The following CADM2 variants were observed in gnomAD, a reference collection of about 807,000 sequenced individuals.
CADM2 encodes the protein cell adhesion molecule 2.
A neutral mutation model predicts 49.8 loss-of-function variants in CADM2; 12 were observed. The observed-to-expected ratio is 0.24, with a 90% CI of 0.15 to 0.39. The LOEUF is 0.39. Ranked by LOEUF, CADM2 falls within the 10% of genes least tolerant of loss-of-function variation. The probability of loss-of-function intolerance (pLI) is 1.00; values close to 1 mark genes in which losing one functional copy is unlikely to be tolerated. For missense variants in CADM2, 378 were observed against 492.3 expected (o/e 0.77, Z 2.20); for synonymous variants, 214 against 175.4 (o/e 1.22, Z -1.74).
intron 1 of CADM2, among the ~76,000 whole-genome samples, chr3:85,495,082 G>A (rs1038873692): frequency 3.9e-5 from 6 of 152,212 alleles, no homozygotes; most frequent in Admixed American, 1.3e-4. Context: ...GGCACATTTC[G>A]CAATCAGGTA....
chr3:85,572,477 A>T (rs970100240), intron 1 of CADM2, among the ~76,000 whole-genome samples: 1 of 152,112 alleles, frequency 6.6e-6, no homozygotes, highest in Non-Finnish European at 1.5e-5. Flanking sequence ...GAGAGAGGGG[A>T]GACGGGGAAG....
intron 3 of CADM2, among the ~76,000 whole-genome samples, chr3:85,803,053 C>G (rs1391365450): frequency 6.6e-6 from 1 of 151,952 alleles, no homozygotes; most frequent in Non-Finnish European, 1.5e-5. Flanking sequence ...CAAATCAGCT[C>G]CATTTAAACA....
At chr3:85,109,153 TAAAA>T (rs369405190) in intron 1 of CADM2, among the ~76,000 whole-genome samples, 1 of 151,978 alleles carries the variant, frequency 6.6e-6, no homozygotes, top group African/African-American at 2.4e-5. Flanking sequence ...TATAGTTACT[TAAAA>T]AAACTTTTCA....
chr3:85,648,304 C>T (rs931561589), intron 1 of CADM2, among the ~76,000 whole-genome samples: 19 of 151,974 alleles, frequency 1.3e-4, no homozygotes, highest in Admixed American at 1.0e-3. Context: ...TTTAAGTAGA[C>T]ACTATTTTGA....
chr3:85,356,156 A>G (rs544450769), intron 1 of CADM2, among the ~76,000 whole-genome samples: 1 of 152,240 alleles, frequency 6.6e-6, no homozygotes, highest in East Asian at 1.9e-4. Context: ...TAGCTATACT[A>G]TCAGATAATT....
intron 1 of CADM2, among the ~76,000 whole-genome samples, chr3:85,317,070 T>A (rs980452723): frequency 6.6e-6 from 1 of 152,052 alleles, no homozygotes; most frequent in African/African-American, 2.4e-5. Context: ...TGGCAAGAAA[T>A]ACACTGTGGT....
chr3:85,504,586 T>C (rs9813680), intron 1 of CADM2, among the ~76,000 whole-genome samples: 151,924 of 152,276 alleles, frequency 1, 75,788 homozygotes, highest in Middle Eastern at 1. Flanking sequence ...CATGTCCCCA[T>C]CAAATTCAGG....
chr3:85,489,894 C>T (rs1001442421), intron 1 of CADM2, among the ~76,000 whole-genome samples: 12 of 151,248 alleles, frequency 7.9e-5, no homozygotes, highest in Admixed American at 4.0e-4. Context: ...TAATGATGAA[C>T]CAAGCTGATA....
intron 3 of CADM2, among the ~76,000 whole-genome samples, chr3:85,809,661 TTCCTTC>T (rs1459606559): frequency 2.7e-3 from 56 of 20,390 alleles, no homozygotes; most frequent in Middle Eastern, 0.034. Context: ...ATTTTCTCCC[TTCCTTC>T]CTTCCTTCCT....
chr3:85,965,547 T>C (rs1308988625), intron 8 of CADM2, among the ~76,000 whole-genome samples: 2 of 151,482 alleles, frequency 1.3e-5, no homozygotes, highest in Non-Finnish European at 3.0e-5. Context: ...TACCGGAACA[T>C]AAATTAGGTT....
At chr3:85,449,362 T>C (rs968664313) in intron 1 of CADM2, among the ~76,000 whole-genome samples, 2 of 152,034 alleles carry the variant, frequency 1.3e-5, no homozygotes, top group Non-Finnish European at 2.9e-5. Flanking sequence ...TATTCCTTTT[T>C]TTAAGTCAAA....
chr3:85,405,501 T>A (rs1032146487), intron 1 of CADM2, among the ~76,000 whole-genome samples: 2 of 152,176 alleles, frequency 1.3e-5, no homozygotes, highest in Non-Finnish European at 2.9e-5. Context: ...AAGCTCTCTG[T>A]GATACTGCTC....
chr3:85,744,696 G>C (rs2068541131), intron 2 of CADM2, among the ~76,000 whole-genome samples: 1 of 152,146 alleles, frequency 6.6e-6, no homozygotes, highest in South Asian at 2.1e-4. Context: ...CAAGGCAGGA[G>C]TATGCTTGCC....
At chr3:85,971,319 C>G (rs12491363) in intron 8 of CADM2, among the ~76,000 whole-genome samples, 46,601 of 151,342 alleles carry the variant, frequency 0.31, 8,374 homozygotes, top group East Asian at 0.41. Context: ...TGATCCATCA[C>G]TGGTTAAAAA....
chr3:84,971,863 C>T (rs1404055022), intron 1 of CADM2, among the ~76,000 whole-genome samples: 1 of 151,806 alleles, frequency 6.6e-6, no homozygotes, highest in African/African-American at 2.4e-5. Flanking sequence ...CCTAGCCATA[C>T]CATGATGGAG....
chr3:85,755,167 G>C (rs1376056803), intron 2 of CADM2, among the ~76,000 whole-genome samples: 5 of 152,102 alleles, frequency 3.3e-5, no homozygotes, highest in African/African-American at 1.2e-4. Flanking sequence ...GTCAGCCAAA[G>C]TTATGGTATC....
intron 1 of CADM2, among the ~76,000 whole-genome samples, chr3:85,571,283 A>G (rs1393056413): frequency 1.3e-5 from 2 of 152,210 alleles, no homozygotes; most frequent in Admixed American, 6.5e-5. Flanking sequence ...TTTATGTCAG[A>G]TATTCTCATA....
Position 86,074,413 on chromosome 3 carries a change from C to G in CADM2, c.*7630C>G, listed in dbSNP as rs1187866468. ...CATGAAATATTCCATTAAAATTTAT[C>G]TGTAAATACAAGGCAAGATTTTGTA... On this transcript the variant is annotated 3_prime_UTR_variant, in exon 10 of 10. Transcript: ENST00000383699. The G allele has an allele frequency of 6.6e-6, 1 of 151,964 alleles. No individual in the cohort carries two copies. The highest frequency in any genetic ancestry group is 1.5e-5 in the Non-Finnish European group (1 of 67,900). The allele number at this position is 151,964 out of a possible 1,614,324, so 9.4% of individuals were successfully genotyped here.
intron 3 of CADM2, among the ~76,000 whole-genome samples, chr3:85,866,491 A>G (rs1438520783): frequency 2.0e-5 from 3 of 152,066 alleles, no homozygotes; most frequent in Non-Finnish European, 4.4e-5. Context: ...ATTTTATGCC[A>G]TATTATTATT....
Sources: gnomAD v4.1 joint callset for allele counts (sites outside exome capture counted in the v4.1 genomes callset) on GRCh38, gnomAD v4.1.1 for gene constraint, MANE v1.5 for transcripts, NCBI Gene and HGNC (gene_info 2026-07-23, HGNC 2026-07-21) for gene names.